The following BFSP2 variants were observed in gnomAD, a reference collection of about 807,000 sequenced individuals.
BFSP2 encodes phakinin.
Under a neutral mutation model 44.9 loss-of-function variants are expected in BFSP2, and 38 were observed. The observed-to-expected ratio is 0.85, with a 90% CI of 0.65 to 1.11. The LOEUF is 1.11. BFSP2 is among the 50% of genes least tolerant of loss of function. The pLI, the probability that BFSP2 is intolerant of heterozygous loss-of-function variation, is 0.00. For synonymous variants in BFSP2, 197 were observed against 209.9 expected, an observed-to-expected ratio of 0.94 and a Z score of 0.53; for missense variants, 525 against 533.0, an observed-to-expected ratio of 0.99 and a Z score of 0.15.
At chr3:133,449,686 TG>T (rs2073938614) in intron 3 of BFSP2, among the ~76,000 whole-genome samples, 2 of 152,008 alleles carry the variant, frequency 1.3e-5, no homozygotes, top group Admixed American at 1.3e-4. Context: ...AAGACCAGCC[TG>T]GGCAACATGG....
At chr3:133,442,659 G>A (rs1030969387) in intron 1 of BFSP2, among the ~76,000 whole-genome samples, 3 of 152,088 alleles carry the variant, frequency 2.0e-5, no homozygotes, top group African/African-American at 7.2e-5. Context: ...AAGAGAGGTA[G>A]AGAGAAATAA....
At chr3:133,441,662 A>G (rs1466178440) in intron 1 of BFSP2, among the ~76,000 whole-genome samples, 1 of 152,172 alleles carries the variant, frequency 6.6e-6, no homozygotes, top group East Asian at 1.9e-4. Context: ...TGCTGGGCTC[A>G]TTAATTCAAC....
intron 1 of BFSP2, among the ~76,000 whole-genome samples, chr3:133,425,913 G>A (rs13080743): frequency 2.1e-5 from 1 of 48,280 alleles, no homozygotes; most frequent in Non-Finnish European, 3.5e-5. Context: ...AGAGAAAGGA[G>A]GGCAAGGGAA....
chr3:133,459,040 A>G (rs1204385884), intron 4 of BFSP2, among the ~76,000 whole-genome samples: 1 of 152,126 alleles, frequency 6.6e-6, no homozygotes, highest in African/African-American at 2.4e-5. Flanking sequence ...GATTTTTCCC[A>G]TAAAAAGTGT....
chr3:133,406,629 A>G (rs1205544417), intron 1 of BFSP2, among the ~76,000 whole-genome samples: 1 of 152,214 alleles, frequency 6.6e-6, no homozygotes, highest in African/African-American at 2.4e-5. Context: ...TCTCATCTGA[A>G]TAATGAGGAT....
In BFSP2 at chr3:133,400,485, A is replaced by G. The variant is rs2107871474; in HGVS notation, c.402A>G (p.Thr134=). The G allele has an allele frequency of 6.2e-7, 1 of 1,614,020 alleles. No homozygotes were observed. Among genetic ancestry groups the G allele is most frequent in the East Asian group, 2.2e-5 (1 of 44,874 alleles). The change falls in exon 1 of 7, where the codon ACA becomes ACG. Residue 134 remains threonine (T), a synonymous_variant. Transcript: ENST00000302334. The surrounding 1 kb of genome is among the most constrained non-coding windows in gnomAD (Gnocchi z 4.0). ...ALEQVSQELE[T]QLRMHLESKA... is the part of the protein sequence containing the mutation. ...AGCAAGTCAGTCAGGAGCTGGAAAC[A>G]CAACTGCGGATGCACCTGGAGAGCA...
intron 4 of BFSP2, among the ~76,000 whole-genome samples, chr3:133,458,418 G>T (rs1432144758): frequency 6.6e-6 from 1 of 152,248 alleles, no homozygotes; most frequent in Non-Finnish European, 1.5e-5. Flanking sequence ...CACAGGCTGG[G>T]TGTGGTGGCT....
At chr3:133,416,730 C>T in intron 1 of BFSP2, among the ~76,000 whole-genome samples, 1 of 137,796 alleles carries the variant, frequency 7.3e-6, no homozygotes, top group Non-Finnish European at 1.6e-5. Flanking sequence ...CCTCTACTCA[C>T]CCTTGCCCTC....
intron 4 of BFSP2, among the ~76,000 whole-genome samples, chr3:133,454,885 G>GT (rs978314796): frequency 6.6e-6 from 1 of 152,036 alleles, no homozygotes; most frequent in Admixed American, 6.6e-5. Flanking sequence ...TTAAGAGGGG[G>GT]TTTTTTTAAC....
chr3:133,423,138 G>T (rs1226204996), intron 1 of BFSP2, among the ~76,000 whole-genome samples: 1 of 152,168 alleles, frequency 6.6e-6, no homozygotes, highest in Admixed American at 6.5e-5. Flanking sequence ...AGTCAGGAAG[G>T]CAATAAGGAA....
intron 4 of BFSP2, among the ~76,000 whole-genome samples, chr3:133,461,194 C>G (rs1437489854): frequency 6.6e-6 from 1 of 152,150 alleles, no homozygotes; most frequent in African/African-American, 2.4e-5. Flanking sequence ...TTCCTCTTTC[C>G]CAGTCCTCAT....
rs181191215 is a variant in BFSP2, at chr3:133,467,603, T to C, written c.1023+644T>C. 4.3e-4 allele frequency among the ~76,000 whole-genome samples: 65 copies of C among 152,208 alleles called. No homozygotes were observed. The Middle Eastern group carries it at 0.014, about 32-fold the overall frequency. ...AGACTCACTGGGATTTGCAAGCTCG[T>C]CTCTTTCATTATTAATTATTTATTA... On this transcript the variant is annotated intron_variant, in intron 5 of 6. Transcript: ENST00000302334.
intron 3 of BFSP2, among the ~76,000 whole-genome samples, chr3:133,449,657 C>G (rs2073938188): frequency 6.6e-6 from 1 of 151,898 alleles, no homozygotes. Flanking sequence ...GGCAGGGGAT[C>G]ACTTGAGCCC....
chr3:133,461,919 G>C (rs1181050063), intron 4 of BFSP2, among the ~76,000 whole-genome samples: 1 of 152,224 alleles, frequency 6.6e-6, no homozygotes, highest in African/African-American at 2.4e-5. Flanking sequence ...TCAGGACTTA[G>C]CAGCTTGGCA....
intron 1 of BFSP2, among the ~76,000 whole-genome samples, chr3:133,406,114 C>CTT (rs1448678799): frequency 3.4e-5 from 4 of 117,738 alleles, no homozygotes; most frequent in South Asian, 3.1e-4. Context: ...CCATATCCAG[C>CTT]TATTTTTTTT....
In BFSP2 at chr3:133,472,991, T is replaced by C. The variant is rs577125882; in HGVS notation, c.1244+426T>C. Among the ~76,000 whole-genome samples, 105 of 151,984 alleles carry C rather than the reference T, an allele frequency of 6.9e-4. 1 individual carries two copies. The South Asian group carries it at 0.021, about 31-fold the overall frequency. On this transcript the variant is annotated intron_variant, in intron 6 of 6. Coordinates refer to ENST00000302334, the MANE Select transcript of BFSP2 (RefSeq NM_003571.4). ...GGATACAGGGTCTCGTCTCGGTATG[T>C]TGCCCAGGCTGGTCTCGACTCAAAC...
At chr3:133,425,799 G>T (rs80182446) in intron 1 of BFSP2, among the ~76,000 whole-genome samples, 1 of 107,380 alleles carries the variant, frequency 9.3e-6, no homozygotes, top group Admixed American at 9.9e-5. Flanking sequence ...GGAAGGGAAG[G>T]GAAGAAGGGA....
At chr3:133,410,456 G>A (rs1158859274) in intron 1 of BFSP2, 1 of 276,230 alleles carries the variant, frequency 3.6e-6, no homozygotes, top group African/African-American at 2.3e-5. Flanking sequence ...GGAAACCCCA[G>A]GCTGTCTCTT....
chr3:133,439,652 G>A lies in BFSP2; in HGVS notation c.490-7665G>A, dbSNP rs2073825267. On this transcript the variant is annotated intron_variant, in intron 1 of 6. Coordinates refer to ENST00000302334, the MANE Select transcript of BFSP2 (RefSeq NM_003571.4). ...CCATGACATGCCGAGGTAGCAGCAG[G>A]AGTCAAGGTCTGGAAGCTAGAAAGG... Among the ~76,000 whole-genome samples the A allele has an allele frequency of 2.6e-5, 4 of 152,330 alleles. No individual in the cohort carries two copies. The South Asian group carries it at 8.3e-4, about 32-fold the overall frequency.
Sources: gnomAD v4.1 joint callset for allele counts (sites outside exome capture counted in the v4.1 genomes callset) on GRCh38, gnomAD v4.1.1 for gene constraint, Gnocchi (gnomAD v3.1) non-coding constraint, MANE v1.5 for transcripts, NCBI Gene and HGNC (gene_info 2026-07-23, HGNC 2026-07-21) for gene names.